ATP8B4: variants seen among roughly 807,000 people sequenced by gnomAD.
ATP8B4 encodes ATPase phospholipid transporting 8B4 (putative), also known as probable phospholipid-transporting ATPase IM.
In ATP8B4, 133 loss-of-function variants were observed where a neutral mutation model predicts 145.6. That is an observed-to-expected ratio of 0.91 (90% CI 0.79 to 1.05). The LOEUF (loss-of-function observed/expected upper bound fraction) is 1.05, where lower values mean the gene tolerates loss of function less well. Ranked by LOEUF, ATP8B4 falls within the 50% of genes least tolerant of loss-of-function variation. The pLI, the probability that ATP8B4 is intolerant of heterozygous loss-of-function variation, is 0.00. For missense variants in ATP8B4, 1,458 were observed against 1,425.2 expected (o/e 1.02, Z -0.37); for synonymous variants, 507 against 492.9 (o/e 1.03, Z -0.38).
At chr15:49,898,044 C>A in intron 22 of ATP8B4, 24 bp downstream of exon 22, 1 of 1,612,254 alleles carries the variant, frequency 6.2e-7, no homozygotes, top group Non-Finnish European at 8.5e-7. Context: ...TGCAGCATAC[C>A]CCATTGAGCA....
chr15:49,861,221 A>G (rs2031648565), intron 27 of ATP8B4, among the ~76,000 whole-genome samples: 1 of 152,140 alleles, frequency 6.6e-6, no homozygotes, highest in Non-Finnish European at 1.5e-5. Context: ...GATCAAACTT[A>G]TCGGACAAAC....
chr15:50,129,235 T>C (rs1190800317), intron 1 of ATP8B4, among the ~76,000 whole-genome samples: 1 of 152,160 alleles, frequency 6.6e-6, no homozygotes, highest in African/African-American at 2.4e-5. Flanking sequence ...AACGCTGTAT[T>C]AGTTTCCTAG....
chr15:50,036,492 C>T (rs942202063), intron 6 of ATP8B4, among the ~76,000 whole-genome samples: 3 of 152,150 alleles, frequency 2.0e-5, no homozygotes, highest in African/African-American at 7.2e-5. Context: ...CTGGGCAGAA[C>T]CCCAACAGCA....
chr15:49,964,062 G>C (rs1022208824), intron 13 of ATP8B4, among the ~76,000 whole-genome samples: 10 of 152,202 alleles, frequency 6.6e-5, no homozygotes, highest in African/African-American at 2.4e-4. Context: ...GAAAACTAAA[G>C]TAAGCATAGT....
intron 20 of ATP8B4, chr15:49,908,063 T>G (rs1395933640): frequency 2.2e-6 from 1 of 456,034 alleles, no homozygotes; most frequent in Non-Finnish European, 4.4e-6. Flanking sequence ...TACTTCGACT[T>G]CCTCATATGT....
At chr15:49,917,628 A>C (rs2039875187) in intron 19 of ATP8B4, among the ~76,000 whole-genome samples, 1 of 152,210 alleles carries the variant, frequency 6.6e-6, no homozygotes, top group Non-Finnish European at 1.5e-5. Flanking sequence ...AGAGAACTGG[A>C]GAATCAGATG....
intron 5 of ATP8B4, among the ~76,000 whole-genome samples, chr15:50,040,240 C>T (rs2051168610): frequency 6.6e-6 from 1 of 152,210 alleles, no homozygotes; most frequent in Non-Finnish European, 1.5e-5. Flanking sequence ...AATTTATCCC[C>T]TGGCTTTCTT....
intron 2 of ATP8B4, among the ~76,000 whole-genome samples, chr15:50,098,164 A>G (rs915961147): frequency 2.6e-5 from 4 of 151,728 alleles, no homozygotes; most frequent in Non-Finnish European, 5.9e-5. Context: ...TGTCACAGCC[A>G]TCTAAATTGA....
intron 1 of ATP8B4, among the ~76,000 whole-genome samples, chr15:50,168,191 T>C (rs761561231): frequency 7.2e-5 from 11 of 152,140 alleles, no homozygotes; most frequent in South Asian, 6.2e-4. Context: ...GAAGAGTACA[T>C]TGTGACTGGG....
intron 20 of ATP8B4, 51 bp from the exon 21 acceptor site, chr15:49,901,290 C>T: frequency 6.5e-7 from 1 of 1,545,480 alleles, no homozygotes; most frequent in Non-Finnish European, 8.8e-7. Flanking sequence ...CAGAGCATGC[C>T]TACTAATTCT....
intron 1 of ATP8B4, among the ~76,000 whole-genome samples, chr15:50,145,277 T>C (rs1243438451): frequency 6.6e-6 from 1 of 152,220 alleles, no homozygotes; most frequent in Non-Finnish European, 1.5e-5. Flanking sequence ...TCTTAAGGGT[T>C]TTTTAACATT....
At chr15:50,095,675 A>G (rs2055931096) in intron 2 of ATP8B4, among the ~76,000 whole-genome samples, 3 of 152,164 alleles carry the variant, frequency 2.0e-5, no homozygotes, top group East Asian at 1.9e-4. Flanking sequence ...GGATCATTTG[A>G]GCCCAAGAGT....
At chr15:50,047,060 G>GA in intron 4 of ATP8B4, among the ~76,000 whole-genome samples, 1 of 152,328 alleles carries the variant, frequency 6.6e-6, no homozygotes, top group Middle Eastern at 3.4e-3. Context: ...GGGAGATAAA[G>GA]AAAGGAGGGA....
At chr15:49,923,080 C>G (rs1396352769) in intron 17 of ATP8B4, among the ~76,000 whole-genome samples, 1 of 152,194 alleles carries the variant, frequency 6.6e-6, no homozygotes, top group Non-Finnish European at 1.5e-5. Flanking sequence ...AGAGGAGCAA[C>G]ATGAAGCTGC....
chr15:50,170,771 G>T (rs1289855042), intron 1 of ATP8B4, among the ~76,000 whole-genome samples: 1 of 152,096 alleles, frequency 6.6e-6, no homozygotes, highest in East Asian at 1.9e-4. Context: ...ACCACAGAAT[G>T]GATAAGAACC....
At chr15:50,122,051 A>G (rs1430062751), upstream of ATP8B4, among the ~76,000 whole-genome samples, 1 of 152,198 alleles carries the variant, frequency 6.6e-6, no homozygotes, top group Non-Finnish European at 1.5e-5. Flanking sequence ...CCACACAACT[A>G]TAAGTCTAAT....
chr15:50,043,943 G>A (rs1300580293), intron 5 of ATP8B4, among the ~76,000 whole-genome samples: 6 of 142,694 alleles, frequency 4.2e-5, no homozygotes, highest in Non-Finnish European at 7.5e-5. Flanking sequence ...CTGGGCGACA[G>A]AGCGAGACTC....
chr15:49,947,126 A>G (rs193184040), intron 14 of ATP8B4, among the ~76,000 whole-genome samples: 1 of 152,132 alleles, frequency 6.6e-6, no homozygotes, highest in Non-Finnish European at 1.5e-5. Context: ...ACCCTTGCAC[A>G]CTGAAAATTA....
intron 26 of ATP8B4, among the ~76,000 whole-genome samples, chr15:49,862,659 C>T (rs1291251637): frequency 6.6e-6 from 1 of 152,006 alleles, no homozygotes; most frequent in African/African-American, 2.4e-5. Flanking sequence ...AGGGTTTCAC[C>T]ATGTTAGCCA....
Sources: allele counts gnomAD v4.1 joint callset (sites outside exome capture counted in the v4.1 genomes callset), GRCh38; gene constraint gnomAD v4.1.1; transcripts MANE v1.5; gene names NCBI Gene and HGNC (gene_info 2026-07-23, HGNC 2026-07-21).